The following PTPRM variants were observed in gnomAD, a reference collection of about 807,000 sequenced individuals.
The protein encoded by PTPRM is receptor-type tyrosine-protein phosphatase mu.
Under a neutral mutation model 186.7 loss-of-function variants are expected in PTPRM, and 47 were observed. The observed-to-expected ratio is 0.25, with a 90% CI of 0.20 to 0.32. PTPRM has a LOEUF of 0.32. Among genes scored for constraint, PTPRM ranks in the 10% least tolerant of loss-of-function variants. The pLI is 1.00. For synonymous variants in PTPRM, 668 were observed against 674.9 expected (o/e 0.99, Z 0.16); for missense variants, 1,494 against 1,865.0 (o/e 0.80, Z 3.66).
chr18:8,282,567 C>T (rs570446090), intron 19 of PTPRM, among the ~76,000 whole-genome samples: 63 of 152,130 alleles, frequency 4.1e-4, no homozygotes, highest in Admixed American at 9.8e-4. Flanking sequence ...GAGGCTGAGG[C>T]GGGAGAAACG....
chr18:7,818,886 A>G lies in PTPRM; in HGVS notation c.196+44615A>G, dbSNP rs559125665. ...GTTCCAGTAGAGCTGGATACATACA[A>G]TGTGTCGTGAGAGTACAGAAGGGTG... On this transcript the variant is annotated intron_variant, in intron 2 of 32. Coordinates refer to ENST00000580170, the MANE Select transcript of PTPRM (RefSeq NM_001105244.2). 1.6e-4 allele frequency among the ~76,000 whole-genome samples: 24 copies of G among 152,308 alleles called. No individual in the cohort carries two copies. The South Asian group carries it at 4.6e-3, about 29-fold the overall frequency.
intron 19 of PTPRM, among the ~76,000 whole-genome samples, chr18:8,279,657 C>T (rs2094879064): frequency 6.6e-6 from 1 of 152,168 alleles, no homozygotes; most frequent in South Asian, 2.1e-4. Flanking sequence ...TGACTAAGAA[C>T]TCAGTGATAA....
chr18:7,618,900 T>A (rs910389376), intron 1 of PTPRM, among the ~76,000 whole-genome samples: 1 of 152,250 alleles, frequency 6.6e-6, no homozygotes, highest in African/African-American at 2.4e-5. Context: ...TGAAGGCATA[T>A]GTTTACCTAT....
chr18:7,626,215 T>C (rs542909427), intron 1 of PTPRM, among the ~76,000 whole-genome samples: 104 of 152,340 alleles, frequency 6.8e-4, no homozygotes, highest in Non-Finnish European at 1.2e-3. Context: ...AACAAGATTA[T>C]TTCCATATAC....
At chr18:8,240,557 GGAAA>G (rs1223172470) in intron 14 of PTPRM, among the ~76,000 whole-genome samples, 1 of 112,822 alleles carries the variant, frequency 8.9e-6, no homozygotes, top group African/African-American at 3.3e-5. Context: ...AAGGAAAGAA[GGAAA>G]GAAAGAAAGA....
chr18:8,302,473 C>T (rs370665946), intron 20 of PTPRM, among the ~76,000 whole-genome samples: 14 of 151,918 alleles, frequency 9.2e-5, no homozygotes, highest in South Asian at 6.3e-4. Flanking sequence ...ATAAGAATAA[C>T]GGAAACTTCA....
intron 2 of PTPRM, among the ~76,000 whole-genome samples, chr18:7,882,213 A>G (rs1245726562): frequency 6.6e-6 from 1 of 152,194 alleles, no homozygotes; most frequent in African/African-American, 2.4e-5. Context: ...AATAATAACA[A>G]ATCTGGGGCT....
intron 7 of PTPRM, among the ~76,000 whole-genome samples, chr18:8,050,536 C>T (rs553554850): frequency 7.9e-5 from 12 of 151,414 alleles, no homozygotes; most frequent in African/African-American, 2.9e-4. Flanking sequence ...TGTCAACATG[C>T]ATACCTCATA....
chr18:8,348,508 C>T (rs977715888), intron 23 of PTPRM, among the ~76,000 whole-genome samples: 6 of 152,364 alleles, frequency 3.9e-5, no homozygotes, highest in South Asian at 2.1e-4. Flanking sequence ...CACCTGCCAC[C>T]GGCTGCACAC....
chr18:7,783,776 G>GTA (rs1439149072), intron 2 of PTPRM, among the ~76,000 whole-genome samples: 6 of 143,254 alleles, frequency 4.2e-5, no homozygotes, highest in Non-Finnish European at 8.9e-5. Flanking sequence ...GTGTGTGTAT[G>GTA]TGTGTGTGTG....
chr18:8,338,155 T>C (rs2095451224), intron 22 of PTPRM, among the ~76,000 whole-genome samples: 1 of 151,912 alleles, frequency 6.6e-6, no homozygotes, highest in Non-Finnish European at 1.5e-5. Context: ...GCACAGACGC[T>C]TGGGGGCTGG....
intron 4 of PTPRM, among the ~76,000 whole-genome samples, chr18:7,910,104 A>C (rs1317816062): frequency 6.6e-6 from 1 of 152,160 alleles, no homozygotes; most frequent in Admixed American, 6.5e-5. Flanking sequence ...TTATGTCTTA[A>C]AAGCCGTATG....
intron 7 of PTPRM, chr18:8,017,771 A>T (rs546540988): frequency 1.3e-5 from 2 of 152,194 alleles, no homozygotes; most frequent in South Asian, 4.2e-4. Context: ...CACAAAGGCC[A>T]CTGTTGCTTT....
intron 2 of PTPRM, among the ~76,000 whole-genome samples, chr18:7,827,603 A>G (rs987166702): frequency 2.6e-5 from 4 of 152,214 alleles, no homozygotes; most frequent in Non-Finnish European, 4.4e-5. Context: ...CAGCACATCA[A>G]TGATCTTGGG....
chr18:8,280,095 G>T (rs2094884475), intron 19 of PTPRM, among the ~76,000 whole-genome samples: 1 of 152,154 alleles, frequency 6.6e-6, no homozygotes, highest in Non-Finnish European at 1.5e-5. Flanking sequence ...GCTAGACTGG[G>T]TGGCTCACAC....
At chr18:8,252,758 T>C (rs2094539750) in intron 18 of PTPRM, among the ~76,000 whole-genome samples, 1 of 152,246 alleles carries the variant, frequency 6.6e-6, no homozygotes, top group Non-Finnish European at 1.5e-5. Context: ...TGATTTCATG[T>C]ATTAAGTCCC....
chr18:8,160,866 A>C (rs72913666), intron 14 of PTPRM, among the ~76,000 whole-genome samples: 1 of 152,312 alleles, frequency 6.6e-6, no homozygotes, highest in Non-Finnish European at 1.5e-5. Context: ...GCCAGAAAGA[A>C]AGCATTAATT....
At chr18:8,182,002 A>C (rs2093582598) in intron 14 of PTPRM, among the ~76,000 whole-genome samples, 1 of 152,110 alleles carries the variant, frequency 6.6e-6, no homozygotes, top group East Asian at 1.9e-4. Flanking sequence ...TTACCTTAGG[A>C]GCTAGCTGCC....
chr18:7,997,583 A>G (rs548104554), intron 7 of PTPRM, among the ~76,000 whole-genome samples: 2 of 152,330 alleles, frequency 1.3e-5, no homozygotes, highest in South Asian at 4.1e-4. Context: ...AAGAAAGTGA[A>G]GAGACAACCT....
Sources: allele counts gnomAD v4.1 joint callset (sites outside exome capture counted in the v4.1 genomes callset), GRCh38; gene constraint gnomAD v4.1.1; transcripts MANE v1.5; gene names NCBI Gene and HGNC (gene_info 2026-07-23, HGNC 2026-07-21).